Variants in LUZP2 observed in about 807,000 individuals in gnomAD.
LUZP2 encodes the protein leucine zipper protein 2.
A neutral mutation model predicts 51.6 loss-of-function variants in LUZP2; 52 were observed. The ratio of observed to expected loss-of-function variants is 1.01; its 90% CI spans 0.81 to 1.27. The LOEUF (loss-of-function observed/expected upper bound fraction) is 1.27. Ranked by LOEUF, LUZP2 falls within the 50% of genes most tolerant of loss-of-function variation. The pLI is 0.00. For synonymous variants in LUZP2, 154 were observed against 137.3 expected (o/e 1.12, Z -0.85); for missense variants, 436 against 395.4 (o/e 1.10, Z -0.87).
At chr11:24,649,468 T>G (rs2133959607) in intron 1 of LUZP2, among the ~76,000 whole-genome samples, 1 of 152,114 alleles carries the variant, frequency 6.6e-6, no homozygotes, top group East Asian at 1.9e-4. Context: ...TAATTTAAAT[T>G]GGTCAGATGT....
intron 5 of LUZP2, among the ~76,000 whole-genome samples, chr11:24,782,517 A>G (rs1849123737): frequency 6.6e-6 from 1 of 151,574 alleles, no homozygotes; most frequent in African/African-American, 2.4e-5. Flanking sequence ...AGAGCATCTG[A>G]AAAAAAAATT....
chr11:24,607,006 C>T (rs546852868), intron 1 of LUZP2, among the ~76,000 whole-genome samples: 57 of 151,938 alleles, frequency 3.8e-4, no homozygotes, highest in Admixed American at 9.8e-4. Flanking sequence ...AGTTGTTTTG[C>T]TGCTGAATTG....
intron 9 of LUZP2, among the ~76,000 whole-genome samples, chr11:24,996,056 T>G (rs1856487767): frequency 6.6e-6 from 1 of 151,054 alleles, no homozygotes; most frequent in Non-Finnish European, 1.5e-5. Flanking sequence ...TCTTTGTTAT[T>G]GGTTTCCTCT....
At chr11:24,851,032 T>C (rs1475788260) in intron 5 of LUZP2, among the ~76,000 whole-genome samples, 1 of 152,214 alleles carries the variant, frequency 6.6e-6, no homozygotes, top group Non-Finnish European at 1.5e-5. Flanking sequence ...TGGGGTTGTC[T>C]AAATATACAA....
At chr11:24,713,683 G>GTCT (rs1554978134) in intron 1 of LUZP2, among the ~76,000 whole-genome samples, 1 of 89,690 alleles carries the variant, frequency 1.1e-5, no homozygotes, top group African/African-American at 4.6e-5. Flanking sequence ...GTGAGAATCT[G>GTCT]TTTTTTTTTT....
Position 25,052,009 on chromosome 11 carries a change from ATC to A in LUZP2, c.858+1881_858+1882del, listed in dbSNP as rs1858531768. Among the ~76,000 whole-genome samples the A allele has an allele frequency of 2.0e-5, 3 of 152,194 alleles. No individual in the cohort carries two copies. The South Asian group carries it at 6.2e-4, about 32-fold the overall frequency. On this transcript the variant is annotated intron_variant, in intron 10 of 11. Coordinates refer to ENST00000336930, the MANE Select transcript of LUZP2 (RefSeq NM_001009909.4). ...TCAGTGAGTTCCAGAAGCAGATACT[ATC>A]TGTTTCTGGTCTCAGTCTGGACCTG...
intron 10 of LUZP2, among the ~76,000 whole-genome samples, chr11:25,075,192 A>T (rs1859265136): frequency 1.3e-5 from 2 of 152,158 alleles, no homozygotes; most frequent in African/African-American, 4.8e-5. Flanking sequence ...GGTGTAGAAG[A>T]TTCCTCTATG....
intron 1 of LUZP2, among the ~76,000 whole-genome samples, chr11:24,672,260 C>T (rs551976067): frequency 6.6e-6 from 1 of 152,058 alleles, no homozygotes; most frequent in South Asian, 2.1e-4. Flanking sequence ...ACAAATTGAC[C>T]AGTATTGTAA....
chr11:25,034,459 T>C (rs1334927825), intron 9 of LUZP2, among the ~76,000 whole-genome samples: 1 of 152,168 alleles, frequency 6.6e-6, no homozygotes, highest in Non-Finnish European at 1.5e-5. Context: ...GTTGTTGCAA[T>C]TGCTTTTGGG....
chr11:24,712,729 A>G (rs950288133), intron 1 of LUZP2, among the ~76,000 whole-genome samples: 1 of 152,222 alleles, frequency 6.6e-6, no homozygotes, highest in African/African-American at 2.4e-5. Context: ...AAAGGGGCTT[A>G]GAAGAGCCTG....
chr11:24,756,199 C>T (rs548973456), intron 4 of LUZP2, among the ~76,000 whole-genome samples: 5 of 152,204 alleles, frequency 3.3e-5, no homozygotes, highest in African/African-American at 7.2e-5. Flanking sequence ...ATTTTCAGAC[C>T]GAACCAATGT....
chr11:24,943,685 C>G (rs1484768197), intron 7 of LUZP2, among the ~76,000 whole-genome samples: 1 of 151,946 alleles, frequency 6.6e-6, no homozygotes, highest in African/African-American at 2.4e-5. Context: ...CGAGACCAGC[C>G]TGGCCAACAT....
intron 9 of LUZP2, among the ~76,000 whole-genome samples, chr11:25,032,888 A>C (rs907372509): frequency 1.8e-4 from 27 of 152,176 alleles, no homozygotes; most frequent in African/African-American, 6.3e-4. Context: ...TCAAAGAAAA[A>C]TTTGAGAAAA....
chr11:24,924,982 C>G (rs944051514), intron 7 of LUZP2, among the ~76,000 whole-genome samples: 2 of 151,884 alleles, frequency 1.3e-5, no homozygotes, highest in African/African-American at 4.8e-5. Context: ...GTGCCAAACT[C>G]TTAGTTAATT....
At chr11:24,960,886 T>G (rs910638393) in intron 7 of LUZP2, among the ~76,000 whole-genome samples, 5 of 152,178 alleles carry the variant, frequency 3.3e-5, no homozygotes, top group Non-Finnish European at 7.3e-5. Context: ...GGGCATTTAG[T>G]GCTAAAAATT....
rs182909386 is a variant in LUZP2 at position 24,860,195 on chromosome 11, T to G, written c.397-45796T>G. Among the ~76,000 whole-genome samples, 638 of 152,252 alleles carry G rather than the reference T, an allele frequency of 4.2e-3. 5 individuals carry two copies. Among genetic ancestry groups the G allele is most frequent in the African/African-American group, 0.015 (615 of 41,552 alleles). ...CATCCGTCATCTGTGGTCAGAGTGC[T>G]CATCAAGTCAGACCCTGTCCCATCC... On this transcript the variant is annotated intron_variant, in intron 5 of 11. Coordinates refer to ENST00000336930, the MANE Select transcript of LUZP2 (RefSeq NM_001009909.4).
chr11:24,698,972 C>T (rs1003968712), intron 1 of LUZP2, among the ~76,000 whole-genome samples: 12 of 151,904 alleles, frequency 7.9e-5, no homozygotes, highest in Admixed American at 2.6e-4. Context: ...ATGAGAGGAT[C>T]GATTGAGCCT....
intron 1 of LUZP2, among the ~76,000 whole-genome samples, chr11:24,552,169 T>A (rs1427249002): frequency 2.6e-5 from 4 of 152,022 alleles, no homozygotes; most frequent in Admixed American, 6.6e-5. Flanking sequence ...GTAGATTCAG[T>A]ATCTTAAATA....
At chr11:24,988,855 G>T (rs1348734204) in intron 9 of LUZP2, among the ~76,000 whole-genome samples, 2 of 151,950 alleles carry the variant, frequency 1.3e-5, no homozygotes, top group Non-Finnish European at 2.9e-5. Context: ...CATTCAAGAA[G>T]CTGGATATCG....
Sources: allele counts gnomAD v4.1 joint callset (sites outside exome capture counted in the v4.1 genomes callset), GRCh38; gene constraint gnomAD v4.1.1; transcripts MANE v1.5; gene names NCBI Gene and HGNC (gene_info 2026-07-23, HGNC 2026-07-21).